The following RALY variants were observed in gnomAD, a reference collection of about 807,000 sequenced individuals.
The protein encoded by RALY is RNA-binding protein Raly.
A neutral mutation model predicts 30.7 loss-of-function variants in RALY; 15 were observed. That is an observed-to-expected ratio of 0.49 (90% CI 0.33 to 0.75). The LOEUF (loss-of-function observed/expected upper bound fraction) is 0.75, where lower values mean the gene tolerates loss of function less well. Among genes scored for constraint, RALY ranks in the 30% least tolerant of loss-of-function variants. RALY has a pLI of 0.02. For synonymous variants in RALY, 177 were observed against 170.8 expected (o/e 1.04, Z -0.28); for missense variants, 339 against 414.3 (o/e 0.82, Z 1.58).
chr20:33,999,092 T>C (rs889171569), intron 1 of RALY, among the ~76,000 whole-genome samples: 1 of 140,422 alleles, frequency 7.1e-6, no homozygotes, highest in Non-Finnish European at 1.5e-5. Context: ...ATCGAACCAC[T>C]GCACTCCAGC....
At chr20:34,071,980 G>A in intron 2 of RALY, 86 bp from the exon 3 acceptor site, 1 of 1,431,772 alleles carries the variant, frequency 7.0e-7, no homozygotes, top group Non-Finnish European at 9.5e-7. Context: ...AAGGTAAGAG[G>A]CAATTCATTT....
chr20:34,060,131 T>G (rs2033373630), intron 2 of RALY, among the ~76,000 whole-genome samples: 1 of 152,186 alleles, frequency 6.6e-6, no homozygotes, highest in South Asian at 2.1e-4. Flanking sequence ...GCATCCACCG[T>G]GATAGTATTT....
chr20:34,019,059 A>G (rs1352054079), intron 1 of RALY, among the ~76,000 whole-genome samples: 4 of 152,150 alleles, frequency 2.6e-5, no homozygotes, highest in African/African-American at 4.8e-5. Flanking sequence ...GCAGTGGCTC[A>G]CGCCTGTAAT....
At chr20:34,001,789 C>T (rs985570140) in intron 1 of RALY, among the ~76,000 whole-genome samples, 8 of 151,734 alleles carry the variant, frequency 5.3e-5, no homozygotes, top group Non-Finnish European at 1.0e-4. Flanking sequence ...TTTTTTGAGA[C>T]GGAGTCTCGC....
intron 1 of RALY, among the ~76,000 whole-genome samples, chr20:34,005,361 T>C (rs1364545641): frequency 6.6e-6 from 1 of 151,918 alleles, no homozygotes; most frequent in Non-Finnish European, 1.5e-5. Context: ...ATAGCAAAAT[T>C]AGCTGGGCGT....
At position 34,073,662 on chromosome 20, in the gene RALY, C is replaced by G. The variant is rs775952303; in HGVS notation, c.329+27C>G. The G allele has an allele frequency of 1.4e-5, 22 of 1,557,812 alleles. No homozygotes were observed. The East Asian group carries it at 4.7e-4, about 33-fold the overall frequency. Reference sequence around the variant, plus strand: ...TGGGGCTGTCTGACTGTCTGTCTGTCTGGTGGGATGACTCTCTCTTTCCAC... The same window carrying G: ...TGGGGCTGTCTGACTGTCTGTCTGTGTGGTGGGATGACTCTCTCTTTCCAC... On this transcript the variant is annotated intron_variant, in intron 4 of 9. Coordinates refer to ENST00000246194, the MANE Select transcript of RALY (RefSeq NM_016732.3).
intron 1 of RALY, 52 bp from the exon 2 acceptor site, chr20:34,031,470 C>A: frequency 6.6e-6 from 1 of 152,226 alleles, no homozygotes; most frequent in Non-Finnish European, 1.5e-5. Flanking sequence ...ATTTTGAATG[C>A]CTGCTGCCTG....
At chr20:34,017,810 C>T (rs761291157) in intron 1 of RALY, 1 of 152,198 alleles carries the variant, frequency 6.6e-6, no homozygotes, top group African/African-American at 2.4e-5. Context: ...TCAACAGATA[C>T]TTGTTGAGTG....
At chr20:33,998,970 TA>T (rs969595292) in intron 1 of RALY, among the ~76,000 whole-genome samples, 3 of 147,538 alleles carry the variant, frequency 2.0e-5, no homozygotes, top group African/African-American at 2.5e-5. Flanking sequence ...CTACTAAAAA[TA>T]AAAAAAAAAT....
chr20:34,024,340 A>G (rs1019005161), intron 1 of RALY, among the ~76,000 whole-genome samples: 10 of 152,210 alleles, frequency 6.6e-5, no homozygotes, highest in African/African-American at 2.2e-4. Context: ...CATGGAGAAA[A>G]GAAAACAGTA....
At chr20:34,052,735 G>C (rs1307004478) in intron 2 of RALY, among the ~76,000 whole-genome samples, 1 of 152,178 alleles carries the variant, frequency 6.6e-6, no homozygotes, top group African/African-American at 2.4e-5. Context: ...TGTTCTTCCT[G>C]CTGTAAGAAA....
intron 1 of RALY, among the ~76,000 whole-genome samples, chr20:34,009,162 G>A (rs1292127927): frequency 6.6e-6 from 1 of 151,884 alleles, no homozygotes; most frequent in Admixed American, 6.6e-5. Context: ...TTATAAGAGT[G>A]GGGGTAGGCC....
At chr20:33,994,400 T>A (rs1184662225) in intron 1 of RALY, 3 of 152,256 alleles carry the variant, frequency 2.0e-5, no homozygotes, top group South Asian at 2.1e-4. Flanking sequence ...GCGGGCCAAG[T>A]CTGGGCCAGT....
chr20:34,034,258 C>G (rs1171213055), intron 2 of RALY, among the ~76,000 whole-genome samples: 1 of 152,198 alleles, frequency 6.6e-6, no homozygotes, highest in African/African-American at 2.4e-5. Flanking sequence ...TGTTCTCCCC[C>G]TTCACCAACG....
Position 34,080,695 on chromosome 20 carries a change from A to T in RALY, c.*790A>T, listed in dbSNP as rs2034016027. ...TCCCAGCAGCCACGCAGTCTTTCTG[A>T]AACGTATCCCTTCCCTGCCTAAAAT... On this transcript the variant is annotated 3_prime_UTR_variant, in exon 10 of 10. Coordinates refer to ENST00000246194, the MANE Select transcript of RALY (RefSeq NM_016732.3). The T allele has an allele frequency of 6.6e-6, 1 of 152,544 alleles. No individual in the cohort carries two copies. Among genetic ancestry groups the T allele is most frequent in the Non-Finnish European group, 1.5e-5 (1 of 68,156 alleles). The allele number at this position is 152,544 out of a possible 1,614,324, so 9.4% of individuals were successfully genotyped here.
chr20:34,034,215 G>A (rs2032390759), intron 2 of RALY, among the ~76,000 whole-genome samples: 1 of 152,166 alleles, frequency 6.6e-6, no homozygotes, highest in South Asian at 2.1e-4. Flanking sequence ...ACATTTTATG[G>A]AGGCCATGGT....
intron 2 of RALY, among the ~76,000 whole-genome samples, chr20:34,051,423 T>C: frequency 6.6e-6 from 1 of 152,194 alleles, no homozygotes; most frequent in East Asian, 1.9e-4. Flanking sequence ...TCCTTCTCTG[T>C]AATACGAGGA....
chr20:34,065,543 C>A (rs1292538069), intron 2 of RALY, among the ~76,000 whole-genome samples: 1 of 152,156 alleles, frequency 6.6e-6, no homozygotes, highest in Non-Finnish European at 1.5e-5. Context: ...TCCTGTCTGG[C>A]CAGTAACAAT....
rs148110451 is a variant in RALY, at chr20:34,019,300, C to T, written c.-92-12222C>T. Among the ~76,000 whole-genome samples the T allele has an allele frequency of 4.5e-3, 679 of 152,022 alleles. 4 individuals are homozygous for T. Among genetic ancestry groups the T allele is most frequent in the Non-Finnish European group, 6.6e-3 (446 of 67,984 alleles). ...GAGATCATGCATCTTGCACTCCAGC[C>T]TGGGCGACACAGCGAGACTCTGTCT... On this transcript the variant is annotated intron_variant, in intron 1 of 9. Coordinates refer to ENST00000246194, the MANE Select transcript of RALY (RefSeq NM_016732.3).
Sources: allele counts gnomAD v4.1 joint callset (sites outside exome capture counted in the v4.1 genomes callset), GRCh38; gene constraint gnomAD v4.1.1; transcripts MANE v1.5; gene names NCBI Gene and HGNC (gene_info 2026-07-23, HGNC 2026-07-21).